NLGN1: variants seen among roughly 807,000 people sequenced by gnomAD.
The protein encoded by NLGN1 is neuroligin-1.
Under a neutral mutation model 65.5 loss-of-function variants are expected in NLGN1, and 12 were observed. The ratio of observed to expected loss-of-function variants is 0.18; its 90% confidence interval spans 0.12 to 0.30. NLGN1 has a LOEUF of 0.30. NLGN1 is among the 10% of genes least tolerant of loss of function. The pLI is 1.00. For synonymous variants in NLGN1, 350 were observed against 359.5 expected (o/e 0.97, Z 0.30); for missense variants, 750 against 1,007.1 (o/e 0.74, Z 3.46).
chr3:173,492,079 AC>A (rs2149016036), intron 2 of NLGN1, among the ~76,000 whole-genome samples: 1 of 151,876 alleles, frequency 6.6e-6, no homozygotes, highest in African/African-American at 2.4e-5. Context: ...TTGAATTTAC[AC>A]CTCTGGGTTT....
rs148151745 is a variant in NLGN1, at chr3:173,682,041, C to T, written c.493+76950C>T. 3.2e-4 allele frequency among the ~76,000 whole-genome samples: 48 copies of T among 152,158 alleles called. No individual in the cohort carries two copies. In the East Asian group the frequency reaches 6.8e-3, roughly 22 times the overall value. On this transcript the variant is annotated intron_variant, in intron 3 of 6. Transcript: ENST00000457714. ...GCTGTGAAATGTGTTAGAACTGATT[C>T]GATCATGAGTATGCCATTTACTAGT...
At chr3:173,670,648 T>C (rs1052225715) in intron 3 of NLGN1, among the ~76,000 whole-genome samples, 2 of 152,150 alleles carry the variant, frequency 1.3e-5, no homozygotes, top group African/African-American at 4.8e-5. Flanking sequence ...AACTAATGCG[T>C]GGTTCAGAAA....
At chr3:174,097,388 T>C (rs1002903497) in intron 4 of NLGN1, among the ~76,000 whole-genome samples, 2 of 152,320 alleles carry the variant, frequency 1.3e-5, no homozygotes, top group South Asian at 4.1e-4. Context: ...AACTTGGCAG[T>C]TGTTCAATTT....
At chr3:173,634,381 C>G (rs985885742) in intron 3 of NLGN1, among the ~76,000 whole-genome samples, 27 of 152,038 alleles carry the variant, frequency 1.8e-4, no homozygotes, top group Non-Finnish European at 3.4e-4. Context: ...TCACTATGAA[C>G]AAATATGTAT....
At chr3:173,977,340 G>C (rs1040414504) in intron 4 of NLGN1, among the ~76,000 whole-genome samples, 4 of 151,894 alleles carry the variant, frequency 2.6e-5, no homozygotes, top group Non-Finnish European at 5.9e-5. Context: ...GATGGGGGAA[G>C]GGCACGTGCA....
chr3:173,409,239 GT>G (rs1226416033), intron 1 of NLGN1, among the ~76,000 whole-genome samples: 6 of 152,080 alleles, frequency 3.9e-5, no homozygotes, highest in Non-Finnish European at 8.8e-5. Context: ...CTACACTCAG[GT>G]TTGCAAAACT....
At chr3:173,886,162 G>A (rs1268251204) in intron 4 of NLGN1, among the ~76,000 whole-genome samples, 3 of 152,058 alleles carry the variant, frequency 2.0e-5, no homozygotes, top group African/African-American at 7.2e-5. Context: ...GGCAACATGT[G>A]TACTGTTCAA....
At chr3:174,268,474 T>TG (rs976530849) in intron 4 of NLGN1, among the ~76,000 whole-genome samples, 8 of 152,154 alleles carry the variant, frequency 5.3e-5, no homozygotes, top group Non-Finnish European at 8.8e-5. Context: ...CCTAGTATCT[T>TG]GGGGCATTCT....
intron 3 of NLGN1, among the ~76,000 whole-genome samples, chr3:173,639,891 T>C (rs1757138139): frequency 6.6e-6 from 1 of 152,108 alleles, no homozygotes; most frequent in African/African-American, 2.4e-5. Flanking sequence ...TTTTCCTCCT[T>C]CTCCTTCCTT....
intron 3 of NLGN1, among the ~76,000 whole-genome samples, chr3:173,654,188 AT>A (rs1759629174): frequency 1.3e-5 from 2 of 152,066 alleles, no homozygotes; most frequent in Non-Finnish European, 1.5e-5. Context: ...TGGATGGATA[AT>A]TTTTAAACTT....
intron 4 of NLGN1, among the ~76,000 whole-genome samples, chr3:173,870,081 A>G (rs1349094075): frequency 6.6e-6 from 1 of 152,170 alleles, no homozygotes; most frequent in Non-Finnish European, 1.5e-5. Flanking sequence ...AGATTATCAG[A>G]AAGTATATTT....
In NLGN1 at chr3:174,062,559, T is replaced by TAA. The variant is rs964712398; in HGVS notation, c.647-212748_647-212747dup. 2.1e-4 allele frequency among the ~76,000 whole-genome samples: 32 copies of TAA among 150,550 alleles called. 1 individual carries two copies. The highest frequency in any genetic ancestry group is 4.9e-5 in the African/African-American group (2 of 41,030). ...AATTCAATGGCTTGAACGTATTCTC[T>TAA]AAAAAAAAACACTAATTATATGAAC... On this transcript the variant is annotated intron_variant, in intron 4 of 6. Coordinates refer to ENST00000457714, the Ensembl canonical transcript of NLGN1.
intron 4 of NLGN1, among the ~76,000 whole-genome samples, chr3:174,133,593 A>G (rs2152676450): frequency 6.6e-6 from 1 of 152,206 alleles, no homozygotes; most frequent in Non-Finnish European, 1.5e-5. Context: ...AGGCTTTGAC[A>G]ATCCGAGTTA....
At chr3:173,748,053 A>G (rs35955776) in intron 3 of NLGN1, among the ~76,000 whole-genome samples, 34,388 of 151,164 alleles carry the variant, frequency 0.23, 3,982 homozygotes, top group Admixed American at 0.26. Context: ...GCCCATCTCT[A>G]CCTCCCAAAG....
the NLGN1 span, among the ~76,000 whole-genome samples, chr3:174,293,818 GAA>G: frequency 6.6e-6 from 1 of 151,422 alleles, no homozygotes; most frequent in African/African-American, 2.4e-5. Context: ...TCATCATGTG[GAA>G]AAAAGTGTTA....
At chr3:173,961,761 T>A (rs1369388087) in intron 4 of NLGN1, among the ~76,000 whole-genome samples, 1 of 152,070 alleles carries the variant, frequency 6.6e-6, no homozygotes, top group Non-Finnish European at 1.5e-5. Context: ...TAATGATTCT[T>A]CCTCTTTTTT....
chr3:173,734,050 C>A (rs6793685), intron 3 of NLGN1, among the ~76,000 whole-genome samples: 56 of 151,908 alleles, frequency 3.7e-4, no homozygotes, highest in African/African-American at 1.3e-3. Context: ...GTAGACTTTG[C>A]GGTTATATTT....
At chr3:174,157,103 G>A (rs1725580519) in intron 4 of NLGN1, among the ~76,000 whole-genome samples, 1 of 151,484 alleles carries the variant, frequency 6.6e-6, no homozygotes, top group Non-Finnish European at 1.5e-5. Flanking sequence ...AATTTCAAAG[G>A]CACTTGGTGA....
Position 173,570,314 on chromosome 3 carries a change from T to G in NLGN1, c.-320-33965T>G, listed in dbSNP as rs1242310429. 5.9e-5 allele frequency among the ~76,000 whole-genome samples: 9 copies of G among 152,290 alleles called. No homozygotes were observed. The South Asian group carries it at 1.5e-3, about 25-fold the overall frequency. On this transcript the variant is annotated intron_variant, in intron 2 of 6. Transcript: ENST00000457714. ...ATGTTTCAGAAAGAGCAAGGTGGAT[T>G]TGAAAAGCCACAAGTAGCGCAGCAT...
Sources: allele counts gnomAD v4.1 joint callset (sites outside exome capture counted in the v4.1 genomes callset), GRCh38; gene constraint gnomAD v4.1.1; transcripts MANE v1.5; gene names NCBI Gene and HGNC (gene_info 2026-07-23, HGNC 2026-07-21).